TUSC3: variants seen among roughly 807,000 people sequenced by gnomAD.
TUSC3 encodes tumor suppressor candidate 3, also known as dolichyl-diphosphooligosaccharide--protein glycosyltransferase subunit TUSC3.
TUSC3 carries 45 observed loss-of-function variants against 44.8 expected under a neutral mutation model. The ratio of observed to expected loss-of-function variants is 1.00; its 90% CI spans 0.79 to 1.29. TUSC3 has a LOEUF of 1.29. Ranked by LOEUF, TUSC3 falls within the 50% of genes most tolerant of loss-of-function variation. The pLI is 0.00. For missense variants in TUSC3, 519 were observed against 437.9 expected, an observed-to-expected ratio of 1.19 and a Z score of -1.65; for synonymous variants, 212 against 152.9, an observed-to-expected ratio of 1.39 and a Z score of -2.85.
intron 2 of TUSC3, among the ~76,000 whole-genome samples, chr8:15,639,782 GT>G (rs34230510): frequency 1.2e-4 from 17 of 140,776 alleles, no homozygotes; most frequent in Non-Finnish European, 1.4e-4. Flanking sequence ...CATAAGAGTC[GT>G]TTTTTTTTTT....
At chr8:15,582,327 C>T (rs896263941) in intron 1 of TUSC3, among the ~76,000 whole-genome samples, 1 of 152,144 alleles carries the variant, frequency 6.6e-6, no homozygotes, top group African/African-American at 2.4e-5. Context: ...CCATCTTCCT[C>T]TGCTTTTTCT....
At chr8:15,666,178 A>C (rs968625864) in intron 5 of TUSC3, among the ~76,000 whole-genome samples, 10 of 151,488 alleles carry the variant, frequency 6.6e-5, no homozygotes, top group Admixed American at 3.3e-4. Context: ...TGGCAACCTA[A>C]AGGTCCTCAT....
At chr8:15,567,529 A>G (rs956902729) in intron 1 of TUSC3, among the ~76,000 whole-genome samples, 4 of 152,164 alleles carry the variant, frequency 2.6e-5, no homozygotes, top group African/African-American at 9.6e-5. Flanking sequence ...TAATCCTGAC[A>G]GGTCTTCAAT....
intron 6 of TUSC3, among the ~76,000 whole-genome samples, chr8:15,707,076 G>A (rs1014308120): frequency 3.3e-5 from 5 of 151,894 alleles, no homozygotes; most frequent in Admixed American, 1.3e-4. Context: ...ATGTCTCAAA[G>A]CTTTATCACC....
intron 6 of TUSC3, among the ~76,000 whole-genome samples, chr8:15,691,810 G>A (rs368453343): frequency 2.0e-5 from 3 of 149,114 alleles, no homozygotes; most frequent in African/African-American, 4.9e-5. Context: ...AGACAGTCTC[G>A]CTCTGTTGCC....
chr8:15,683,871 T>G (rs1808518504), intron 6 of TUSC3, among the ~76,000 whole-genome samples: 1 of 152,146 alleles, frequency 6.6e-6, no homozygotes. Flanking sequence ...GTCAGCTGGC[T>G]TCGTTTCTGA....
chr8:15,740,041 T>A (rs1811123396), intron 7 of TUSC3, among the ~76,000 whole-genome samples: 2 of 152,168 alleles, frequency 1.3e-5, no homozygotes, highest in African/African-American at 4.8e-5. Context: ...AGACAATAAG[T>A]ACATTGTAAA....
At chr8:15,463,526 A>C (rs1022798900) in intron 1 of TUSC3, among the ~76,000 whole-genome samples, 1 of 152,148 alleles carries the variant, frequency 6.6e-6, no homozygotes, top group Non-Finnish European at 1.5e-5. Context: ...TTAATGAGAA[A>C]GCATCTGGCA....
intron 1 of TUSC3, among the ~76,000 whole-genome samples, chr8:15,477,528 C>G (rs745383425): frequency 6.6e-6 from 1 of 152,064 alleles, no homozygotes; most frequent in Non-Finnish European, 1.5e-5. Flanking sequence ...TGAGACCATC[C>G]TGGCTAACAT....
At chr8:15,513,294 G>T (rs1035358431) in intron 2 of TUSC3, among the ~76,000 whole-genome samples, 1 of 151,820 alleles carries the variant, frequency 6.6e-6, no homozygotes, top group East Asian at 1.9e-4. Context: ...ATAGTCATGG[G>T]TAAAAAAAAC....
At chr8:15,650,058 A>G (rs1303240699) in intron 2 of TUSC3, among the ~76,000 whole-genome samples, 7 of 152,220 alleles carry the variant, frequency 4.6e-5, no homozygotes, top group Admixed American at 4.6e-4. Flanking sequence ...TCTAATAAAA[A>G]TGTGTTCAAA....
intron 2 of TUSC3, among the ~76,000 whole-genome samples, chr8:15,643,312 C>G (rs1806468816): frequency 6.6e-6 from 1 of 151,942 alleles, no homozygotes; most frequent in Non-Finnish European, 1.5e-5. Flanking sequence ...AGTAAGAAAA[C>G]TTGTTAAACG....
At chr8:15,503,706 A>C (rs75038137) in intron 2 of TUSC3, among the ~76,000 whole-genome samples, 1 of 152,024 alleles carries the variant, frequency 6.6e-6, no homozygotes, top group African/African-American at 2.4e-5. Flanking sequence ...CTTGTGTCTT[A>C]AACAAAAAAA....
intron 1 of TUSC3, among the ~76,000 whole-genome samples, chr8:15,622,380 A>G (rs1805289306): frequency 6.6e-6 from 1 of 150,728 alleles, no homozygotes; most frequent in African/African-American, 2.4e-5. Context: ...TGATCCTCCC[A>G]CCTTGGTCTC....
intron 6 of TUSC3, among the ~76,000 whole-genome samples, chr8:15,681,264 T>A (rs1174183619): frequency 6.6e-6 from 1 of 151,894 alleles, no homozygotes; most frequent in African/African-American, 2.4e-5. Flanking sequence ...AGTTCTTCTT[T>A]ATATATTTTA....
rs566930915 is a variant in TUSC3, at chr8:15,445,406, G to T, written n.91+28101G>T. Among the ~76,000 whole-genome samples, 6 of 152,238 alleles carry T rather than the reference G, an allele frequency of 3.9e-5. No individual in the cohort carries two copies. The East Asian group carries it at 7.7e-4, about 20-fold the overall frequency. On this transcript the variant is annotated intron_variant and non_coding_transcript_variant, in intron 1 of 5. Transcript: ENST00000503191. ...GTCATAGGACAATAGTGGTGGGAAG[G>T]TTAGCAGATAAACATGTGAACAAGG...
the TUSC3 span, among the ~76,000 whole-genome samples, chr8:15,793,904 G>T: frequency 4.0e-4 from 61 of 152,300 alleles, no homozygotes; most frequent in East Asian, 8.9e-3. Flanking sequence ...CCATAATGGG[G>T]AAAGGCTTAG....
At chr8:15,623,373 C>A in intron 2 of TUSC3, 124 bp downstream of exon 2, 2 of 999,200 alleles carry the variant, frequency 2.0e-6, no homozygotes, top group South Asian at 2.8e-5. Flanking sequence ...TATAACTGTG[C>A]ATTTAAAAAT....
intron 1 of TUSC3, among the ~76,000 whole-genome samples, chr8:15,424,826 C>T (rs1563247530): frequency 6.6e-6 from 1 of 151,872 alleles, no homozygotes; most frequent in African/African-American, 2.4e-5. Flanking sequence ...TTGCAGTGAG[C>T]CGAGGTAGCA....
Sources: gnomAD v4.1 joint callset for allele counts (sites outside exome capture counted in the v4.1 genomes callset) on GRCh38, gnomAD v4.1.1 for gene constraint, MANE v1.5 for transcripts, NCBI Gene and HGNC (gene_info 2026-07-23, HGNC 2026-07-21) for gene names.